PTPRD: variants seen among roughly 807,000 people sequenced by gnomAD.
PTPRD encodes protein tyrosine phosphatase receptor type D.
Under a neutral mutation model 214.5 loss-of-function variants are expected in PTPRD, and 34 were observed. The ratio of observed to expected loss-of-function variants is 0.16; its 90% CI spans 0.12 to 0.21. The LOEUF is 0.21. Ranked by LOEUF, PTPRD falls within the 10% of genes least tolerant of loss-of-function variation. The pLI, the probability that PTPRD is intolerant of heterozygous loss-of-function variation, is 1.00. For synonymous variants in PTPRD, 1,128 were observed against 845.7 expected, an observed-to-expected ratio of 1.33 and a Z score of -5.79; for missense variants, 2,545 against 2,398.7, an observed-to-expected ratio of 1.06 and a Z score of -1.27.
chr9:8,956,121 T>C (rs1434626087), intron 11 of PTPRD, among the ~76,000 whole-genome samples: 1 of 152,028 alleles, frequency 6.6e-6, no homozygotes, highest in African/African-American at 2.4e-5. Flanking sequence ...TAAATTACAA[T>C]GTCAGAAACA....
chr9:8,764,553 T>G (rs972178609), intron 11 of PTPRD, among the ~76,000 whole-genome samples: 7 of 152,020 alleles, frequency 4.6e-5, no homozygotes, highest in Non-Finnish European at 8.8e-5. Context: ...ATCCCAGCAC[T>G]TAGGAAGGCC....
chr9:9,704,546 G>T (rs2097562937), intron 7 of PTPRD, among the ~76,000 whole-genome samples: 1 of 152,064 alleles, frequency 6.6e-6, no homozygotes, highest in Non-Finnish European at 1.5e-5. Flanking sequence ...CCTTGTATTT[G>T]GACTAGCCTT....
At chr9:9,287,940 T>C (rs910921987) in intron 9 of PTPRD, among the ~76,000 whole-genome samples, 10 of 151,830 alleles carry the variant, frequency 6.6e-5, no homozygotes, top group Non-Finnish European at 1.5e-4. Flanking sequence ...TTTTCAATTT[T>C]AATTTTCCCC....
chr9:8,595,427 A>C (rs575195033), intron 14 of PTPRD, among the ~76,000 whole-genome samples: 5 of 152,312 alleles, frequency 3.3e-5, no homozygotes, highest in African/African-American at 1.2e-4. Flanking sequence ...AGGGGCATTC[A>C]GTGCTTAGAG....
At chr9:8,817,316 A>G (rs1439812823) in intron 11 of PTPRD, among the ~76,000 whole-genome samples, 1 of 152,234 alleles carries the variant, frequency 6.6e-6, no homozygotes, top group Non-Finnish European at 1.5e-5. Flanking sequence ...TGTTGAATAA[A>G]TCTTTCATAT....
chr9:10,357,239 C>A lies in PTPRD; in HGVS notation c.-599-16222G>T, dbSNP rs186977525. On this transcript the variant is annotated intron_variant, in intron 2 of 45. Coordinates refer to ENST00000381196, the MANE Select transcript of PTPRD (RefSeq NM_002839.4). ...ACACCAGGTATTTTTGAGAACACTGCTTAAGGGTGTGTTTATATTAGATTT... is the reference window on the plus strand; with the variant it reads ...ACACCAGGTATTTTTGAGAACACTGATTAAGGGTGTGTTTATATTAGATTT... 3.3e-5 allele frequency among the ~76,000 whole-genome samples: 5 copies of A among 152,212 alleles called. No individual in the cohort carries two copies. In the East Asian group the frequency reaches 9.7e-4, roughly 29 times the overall value.
chr9:10,295,855 G>C (rs985231392), intron 3 of PTPRD, among the ~76,000 whole-genome samples: 1 of 152,070 alleles, frequency 6.6e-6, no homozygotes, highest in Non-Finnish European at 1.5e-5. Flanking sequence ...AATTTGAATT[G>C]TGTGTGGGGC....
chr9:10,310,754 G>A (rs957625997), intron 3 of PTPRD, among the ~76,000 whole-genome samples: 20 of 152,044 alleles, frequency 1.3e-4, no homozygotes, highest in African/African-American at 4.3e-4. Context: ...ACACACTTAC[G>A]TGTAACACTG....
chr9:8,455,124 C>T (rs2096136532), intron 33 of PTPRD, among the ~76,000 whole-genome samples: 1 of 152,076 alleles, frequency 6.6e-6, no homozygotes, highest in Non-Finnish European at 1.5e-5. Flanking sequence ...GAATAATACA[C>T]CAAAAGGTAA....
intron 3 of PTPRD, among the ~76,000 whole-genome samples, chr9:10,302,666 A>C (rs1203267547): frequency 6.6e-6 from 1 of 152,214 alleles, no homozygotes; most frequent in Non-Finnish European, 1.5e-5. Flanking sequence ...AGAGACAAAG[A>C]AGGGCATTAC....
chr9:8,858,184 C>T, intron 11 of PTPRD: 1 of 157,706 alleles, frequency 6.3e-6, no homozygotes, highest in Non-Finnish European at 1.4e-5. Flanking sequence ...CTCCTCTCCT[C>T]CCTCCGCCTC....
chr9:8,799,354 A>G (rs974515998), intron 11 of PTPRD, among the ~76,000 whole-genome samples: 3 of 152,224 alleles, frequency 2.0e-5, no homozygotes, highest in Non-Finnish European at 4.4e-5. Context: ...GCAGCTTAGA[A>G]TTCATTAAAG....
intron 3 of PTPRD, among the ~76,000 whole-genome samples, chr9:10,250,610 C>T (rs10809049): frequency 0.58 from 87,472 of 151,726 alleles, 27,190 homozygotes; most frequent in East Asian, 0.73. Flanking sequence ...ACTTATTGAA[C>T]ACAAAATATT....
intron 2 of PTPRD, among the ~76,000 whole-genome samples, chr9:10,457,467 C>T (rs554967761): frequency 1.3e-5 from 2 of 152,126 alleles, no homozygotes; most frequent in South Asian, 2.1e-4. Context: ...AGTGTCTTCA[C>T]GTGTATTAGT....
At chr9:9,568,591 C>A (rs16929763) in intron 8 of PTPRD, among the ~76,000 whole-genome samples, 1 of 151,890 alleles carries the variant, frequency 6.6e-6, no homozygotes, top group Admixed American at 6.6e-5. Flanking sequence ...ATGCTACTTA[C>A]AACTCACTGA....
At chr9:9,451,230 A>G (rs1316252110) in intron 8 of PTPRD, among the ~76,000 whole-genome samples, 1 of 151,814 alleles carries the variant, frequency 6.6e-6, no homozygotes, top group Non-Finnish European at 1.5e-5. Context: ...AGAAGACATC[A>G]TGTAAATCTG....
At position 10,612,886 on chromosome 9, in the gene PTPRD, C is replaced by G. The variant is rs1186086757; in HGVS notation, c.-906G>C. On this transcript the variant is annotated 5_prime_UTR_variant, in exon 1 of 46. Coordinates refer to ENST00000381196, the MANE Select transcript of PTPRD (RefSeq NM_002839.4). ...GGCGAGGCTCTGTCGGGGCGAGGCG[C>G]TGCCCCCACGCGCTCCGGCCGCCGG... Among the ~76,000 whole-genome samples the G allele has an allele frequency of 1.3e-5, 2 of 151,896 alleles. No homozygotes were observed. The highest frequency in any genetic ancestry group is 4.8e-5 in the African/African-American group (2 of 41,420).
intron 7 of PTPRD, among the ~76,000 whole-genome samples, chr9:9,682,641 TC>T (rs1480947992): frequency 6.6e-6 from 1 of 151,678 alleles, no homozygotes; most frequent in Non-Finnish European, 1.5e-5. Flanking sequence ...AGACAGACTG[TC>T]CAGTCTCTGT....
intron 5 of PTPRD, among the ~76,000 whole-genome samples, chr9:9,852,829 G>C (rs2060800252): frequency 6.6e-6 from 1 of 152,080 alleles, no homozygotes. Context: ...AAACTCCAGG[G>C]AAGTTTAGTG....
Sources: gnomAD v4.1 joint callset for allele counts (sites outside exome capture counted in the v4.1 genomes callset) on GRCh38, gnomAD v4.1.1 for gene constraint, MANE v1.5 for transcripts, NCBI Gene and HGNC (gene_info 2026-07-23, HGNC 2026-07-21) for gene names.